Variants in CNTN5 observed in about 807,000 individuals in gnomAD.
The protein encoded by CNTN5 is contactin 5, also known as contactin-5.
In CNTN5, 77 loss-of-function variants were observed where a neutral mutation model predicts 129.1. The observed-to-expected ratio is 0.60, with a 90% CI of 0.50 to 0.72. The LOEUF (loss-of-function observed/expected upper bound fraction) is 0.72. Among genes scored for constraint, CNTN5 ranks in the 30% least tolerant of loss-of-function variants. The probability of loss-of-function intolerance (pLI) is 0.00; values close to 1 mark genes in which losing one functional copy is unlikely to be tolerated. For missense variants in CNTN5, 1,478 were observed against 1,328.8 expected, an observed-to-expected ratio of 1.11 and a Z score of -1.75; for synonymous variants, 509 against 465.6, an observed-to-expected ratio of 1.09 and a Z score of -1.20.
At chr11:100,068,274 T>C (rs1764557760) in intron 10 of CNTN5, among the ~76,000 whole-genome samples, 1 of 152,104 alleles carries the variant, frequency 6.6e-6, no homozygotes, top group Admixed American at 6.6e-5. Flanking sequence ...AGAAGAGAGG[T>C]AACAAGCTAC....
chr11:100,045,878 G>A (rs982500780), intron 9 of CNTN5, among the ~76,000 whole-genome samples: 6 of 152,030 alleles, frequency 3.9e-5, no homozygotes, highest in Non-Finnish European at 7.4e-5. Flanking sequence ...ATTGAAAAAG[G>A]ATGACAGTTA....
chr11:100,067,525 T>C (rs1943744516), intron 10 of CNTN5, among the ~76,000 whole-genome samples: 1 of 151,850 alleles, frequency 6.6e-6, no homozygotes, highest in Non-Finnish European at 1.5e-5. Context: ...GCTACAGAAG[T>C]ATAGCTCTTA....
Position 99,704,713 on chromosome 11 carries a change from G to GT in CNTN5, c.56-114830dup, listed in dbSNP as rs1954677888. On this transcript the variant is annotated intron_variant, in intron 3 of 24. Coordinates refer to ENST00000524871, the MANE Select transcript of CNTN5 (RefSeq NM_014361.4). ...CTATATATGCATTCTATATATCCCT[G>GT]TAGGTATACACTACTCTCTAGAATT... is the stretch of plus-strand genomic sequence containing the variant. Among the ~76,000 whole-genome samples the GT allele has an allele frequency of 2.0e-5, 3 of 151,040 alleles. No homozygotes were observed. In the South Asian group the frequency reaches 6.3e-4, roughly 31 times the overall value.
At chr11:99,610,859 A>G (rs888023760) in intron 3 of CNTN5, among the ~76,000 whole-genome samples, 24 of 152,316 alleles carry the variant, frequency 1.6e-4, no homozygotes, top group African/African-American at 5.3e-4. Context: ...TTTCAGAAGC[A>G]AAAGAGAAAT....
At chr11:99,585,281 G>T (rs998481471) in intron 3 of CNTN5, among the ~76,000 whole-genome samples, 1 of 152,116 alleles carries the variant, frequency 6.6e-6, no homozygotes, top group Non-Finnish European at 1.5e-5. Flanking sequence ...ATCTGAAAAG[G>T]TTATTACAAT....
intron 1 of CNTN5, among the ~76,000 whole-genome samples, chr11:99,133,034 C>G (rs943872682): frequency 2.6e-5 from 4 of 152,178 alleles, no homozygotes; most frequent in Non-Finnish European, 5.9e-5. Flanking sequence ...ACCAGAACAG[C>G]ATGGTATTGG....
At chr11:99,522,392 A>G (rs1174333118) in intron 2 of CNTN5, among the ~76,000 whole-genome samples, 1 of 152,182 alleles carries the variant, frequency 6.6e-6, no homozygotes, top group African/African-American at 2.4e-5. Context: ...TGGTTATTTT[A>G]ATAACAAGTC....
At chr11:99,642,016 G>T (rs1224058748) in intron 3 of CNTN5, among the ~76,000 whole-genome samples, 1 of 152,122 alleles carries the variant, frequency 6.6e-6, no homozygotes, top group Non-Finnish European at 1.5e-5. Context: ...TTGGGCCAAA[G>T]ATTGAGATGA....
At chr11:100,175,790 A>G (rs1460332259) in intron 13 of CNTN5, among the ~76,000 whole-genome samples, 1 of 152,138 alleles carries the variant, frequency 6.6e-6, no homozygotes, top group African/African-American at 2.4e-5. Flanking sequence ...ACATGAAACA[A>G]AGTTGGGAAG....
At position 100,267,149 on chromosome 11, in the gene CNTN5, T is replaced by C. The variant is rs577365330; in HGVS notation, c.2165-3943T>C. Reference sequence around the variant, plus strand: ...GTCAACTCAGGCTGCTATAACAAAATTCCATGGACTGAGTGGATTAAACAA... The same window carrying C: ...GTCAACTCAGGCTGCTATAACAAAACTCCATGGACTGAGTGGATTAAACAA... On this transcript the variant is annotated intron_variant, in intron 17 of 24. Coordinates refer to ENST00000524871, the MANE Select transcript of CNTN5 (RefSeq NM_014361.4). Among the ~76,000 whole-genome samples, 123 of 152,010 alleles carry C rather than the reference T, an allele frequency of 8.1e-4. 1 individual carries two copies. The highest frequency in any genetic ancestry group is 3.0e-3 in the Admixed American group (45 of 15,246).
intron 3 of CNTN5, among the ~76,000 whole-genome samples, chr11:99,595,447 G>C (rs1214498139): frequency 6.6e-6 from 1 of 151,912 alleles, no homozygotes; most frequent in African/African-American, 2.4e-5. Context: ...AAGATAAGTG[G>C]ACTTAATATG....
intron 3 of CNTN5, among the ~76,000 whole-genome samples, chr11:99,763,094 AT>A (rs1944640469): frequency 6.6e-6 from 1 of 151,588 alleles, no homozygotes; most frequent in South Asian, 2.1e-4. Context: ...AACATAACAC[AT>A]TTTCTGATTT....
chr11:99,063,774 A>G (rs1864984582), intron 1 of CNTN5, among the ~76,000 whole-genome samples: 1 of 152,214 alleles, frequency 6.6e-6, no homozygotes, highest in South Asian at 2.1e-4. Context: ...GAAGTTGCAA[A>G]GGGGTTTTGT....
At chr11:100,218,896 G>A (rs147182055) in intron 15 of CNTN5, among the ~76,000 whole-genome samples, 1 of 152,196 alleles carries the variant, frequency 6.6e-6, no homozygotes, top group Non-Finnish European at 1.5e-5. Context: ...AATAAAATCA[G>A]TTTTAAAGGA....
At chr11:100,319,094 T>C (rs1951629146) in intron 21 of CNTN5, among the ~76,000 whole-genome samples, 1 of 151,902 alleles carries the variant, frequency 6.6e-6, no homozygotes, top group Non-Finnish European at 1.5e-5. Context: ...CCTATAGTCA[T>C]TATCCTTATT....
chr11:99,177,005 C>A (rs998985148), intron 1 of CNTN5, among the ~76,000 whole-genome samples: 2 of 152,168 alleles, frequency 1.3e-5, no homozygotes, highest in Non-Finnish European at 2.9e-5. Context: ...CAACTCTGAC[C>A]TTCCCACTGT....
intron 21 of CNTN5, among the ~76,000 whole-genome samples, chr11:100,312,541 CT>C (rs1186787199): frequency 6.6e-6 from 1 of 151,980 alleles, no homozygotes; most frequent in African/African-American, 2.4e-5. Flanking sequence ...ATTTTGTTTA[CT>C]TTTATCCCTC....
chr11:99,217,513 C>T (rs1421158075), intron 1 of CNTN5, among the ~76,000 whole-genome samples: 2 of 152,108 alleles, frequency 1.3e-5, no homozygotes, highest in African/African-American at 4.8e-5. Context: ...CTATACAGAA[C>T]AATATGGATA....
chr11:99,755,016 A>T (rs1181059657), intron 3 of CNTN5, among the ~76,000 whole-genome samples: 9 of 152,184 alleles, frequency 5.9e-5, no homozygotes, highest in Non-Finnish European at 1.2e-4. Context: ...ATCATACAGT[A>T]GGTAGTATTT....
Sources: gnomAD v4.1 joint callset for allele counts (sites outside exome capture counted in the v4.1 genomes callset) on GRCh38, gnomAD v4.1.1 for gene constraint, MANE v1.5 for transcripts, NCBI Gene and HGNC (gene_info 2026-07-23, HGNC 2026-07-21) for gene names.